The following TBC1D9B variants were observed in gnomAD, a reference collection of about 807,000 sequenced individuals.
TBC1D9B encodes the protein TBC1 domain family, member 9B (with GRAM domain).
TBC1D9B carries 87 observed loss-of-function variants against 121.1 expected under a neutral mutation model. That is an observed-to-expected ratio of 0.72 (90% CI 0.60 to 0.86). TBC1D9B has a LOEUF of 0.86. TBC1D9B is among the 40% of genes least tolerant of loss of function. The probability of loss-of-function intolerance (pLI) is 0.00; values close to 1 mark genes in which losing one functional copy is unlikely to be tolerated. For missense variants in TBC1D9B, 1,540 were observed against 1,628.6 expected (o/e 0.95, Z 0.94); for synonymous variants, 668 against 670.1 (o/e 1.00, Z 0.05).
rs1424726016 is a variant in TBC1D9B, at chr5:179,865,045, A to C, written c.3021+209T>G. On this transcript the variant is annotated intron_variant, in intron 20 of 20. Coordinates refer to ENST00000355235, the MANE Select transcript of TBC1D9B (RefSeq NM_015043.4). The surrounding 1 kb of genome is among the most constrained non-coding windows in gnomAD (Gnocchi z 5.1). Reference sequence around the variant, plus strand: ...TTCACAGACACTCACTCAATCTGGAAACATGCCCCTATACAAGGCCCTGGA... The same window carrying C: ...TTCACAGACACTCACTCAATCTGGACACATGCCCCTATACAAGGCCCTGGA... 6.6e-6 allele frequency among the ~76,000 whole-genome samples: 1 copy of C among 152,202 alleles called. No individual in the cohort carries two copies. The highest frequency in any genetic ancestry group is 1.5e-5 in the Non-Finnish European group (1 of 68,032).
chr5:179,904,175 T>TG lies in TBC1D9B; in HGVS notation c.229+526dup, dbSNP rs1384231740. Among the ~76,000 whole-genome samples, 3 of 150,740 alleles carry TG rather than the reference T, an allele frequency of 2.0e-5. No individual in the cohort carries two copies. The highest frequency in any genetic ancestry group is 4.9e-5 in the African/African-American group (2 of 41,012). The stretch of plus-strand genomic sequence containing the variant: ...GTCCCTAGAGGTACATGGGGATCCA[T>TG]GGGGCTGTCCTCTCCTGCCCTGTCC... On this transcript the variant is annotated intron_variant, in intron 2 of 20. Transcript: ENST00000355235. This position sits in a 1 kb window ranked among gnomAD's most constrained non-coding sequence, Gnocchi z 4.2.
At chr5:179,879,343 C>T (rs528862067) in intron 8 of TBC1D9B, 146 bp from the exon 9 acceptor site, 67 of 1,305,868 alleles carry the variant, frequency 5.1e-5, no homozygotes, top group Admixed American at 1.9e-4. Context: ...AAGACCAGGC[C>T]GCGCTGAGCC....
rs1247837740 is a variant in TBC1D9B, at chr5:179,870,466, C to T, written c.2514G>A (p.Gly838=). Residue 838 remains glycine, a synonymous_variant, in exon 16 of 21, where the codon GGG becomes GGA. Coordinates refer to ENST00000355235, the MANE Select transcript of TBC1D9B (RefSeq NM_015043.4). ...GACGGCCGGCCATTGTGCGGCTGCA[C>T]CCCCAGTACTGGCTAGCCAGGTGCT... ...KAKHLASQYW[G]CSRTMAGRRD... The T allele has an allele frequency of 1.2e-6, 2 of 1,611,834 alleles. No homozygotes were observed. Among genetic ancestry groups the T allele is most frequent in the Admixed American group, 3.3e-5 (2 of 59,976 alleles).
chr5:179,882,778 G>C (rs1302437304), intron 7 of TBC1D9B, among the ~76,000 whole-genome samples: 1 of 152,176 alleles, frequency 6.6e-6, no homozygotes, highest in East Asian at 1.9e-4. Context: ...GAACCTGGGA[G>C]GCAGAGGTTG....
Position 179,875,856 on chromosome 5 carries a change from G to T in TBC1D9B, c.1900+64C>A. The T allele has an allele frequency of 7.3e-7, 1 of 1,376,604 alleles. No homozygotes were observed. Among genetic ancestry groups the T allele is most frequent in the Non-Finnish European group, 9.8e-7 (1 of 1,017,414 alleles). 85.3% of individuals were successfully genotyped at this position (1,376,604 alleles called of 1,614,324 possible). Reference sequence around the variant, plus strand: ...CCTGGAGCTTGGCCTGGGAAGGGCTGCCACCCTCATGGAACCAGCAGGCAC... The same window carrying T: ...CCTGGAGCTTGGCCTGGGAAGGGCTTCCACCCTCATGGAACCAGCAGGCAC... On this transcript the variant is annotated intron_variant, in intron 11 of 20. Transcript: ENST00000355235. This position sits in a 1 kb window ranked among gnomAD's most constrained non-coding sequence, Gnocchi z 4.5.
chr5:179,893,397 G>A lies in TBC1D9B; in HGVS notation c.648C>T (p.Ser216=), dbSNP rs1760923374. ...EKNATLLFPE[S]IRVDTRDQEL... ...CCTGGTCGCGGGTGTCCACACGGAT[G>A]CTCTCGGGGAAGAGCAGGGTGGCGT... The change falls in exon 5 of 21, where the codon AGC becomes AGT. Residue 216 remains serine, a synonymous_variant. Coordinates refer to ENST00000355235, the MANE Select transcript of TBC1D9B (RefSeq NM_015043.4). 5.6e-6 allele frequency: 9 copies of A among 1,614,030 alleles called. No homozygotes were observed. Among genetic ancestry groups the A allele is most frequent in the South Asian group, 2.2e-5 (2 of 91,088 alleles).
intron 16 of TBC1D9B, 149 bp from the exon 17 acceptor site, chr5:179,869,983 G>A: frequency 1.0e-6 from 1 of 952,632 alleles, no homozygotes; most frequent in South Asian, 1.7e-5. Flanking sequence ...CTGTCTCCCT[G>A]GCGTCCTGCT....
chr5:179,862,696 A>C lies in TBC1D9B; in HGVS notation c.*752T>G. 2.3e-6 allele frequency: 1 copy of C among 431,974 alleles called. No individual in the cohort carries two copies. The highest frequency in any genetic ancestry group is 7.3e-5 in the East Asian group (1 of 13,718). 26.8% of individuals were successfully genotyped at this position (431,974 alleles called of 1,614,324 possible). On this transcript the variant is annotated 3_prime_UTR_variant, in exon 21 of 21. Transcript: ENST00000355235. ...GGCCTGGGGAGAAGTTGGGAGGCCT[A>C]AGCAGTGGTTGGGGGCCACAGCAAG...
intron 1 of TBC1D9B, among the ~76,000 whole-genome samples, chr5:179,905,612 G>A (rs144488746): frequency 6.6e-6 from 1 of 152,238 alleles, no homozygotes; most frequent in African/African-American, 2.4e-5. Flanking sequence ...CGCTATCTTT[G>A]CTTTTATATT....
intron 14 of TBC1D9B, chr5:179,872,311 C>G (rs1332364835): frequency 1.3e-5 from 2 of 157,064 alleles, no homozygotes; most frequent in African/African-American, 4.8e-5. Flanking sequence ...AACCTGCCAG[C>G]CAATGCTCCT....
intron 2 of TBC1D9B, among the ~76,000 whole-genome samples, chr5:179,901,382 T>C (rs988229318): frequency 2.6e-5 from 4 of 152,244 alleles, no homozygotes; most frequent in Non-Finnish European, 5.9e-5. Context: ...AATTTACATG[T>C]GGTGCAACTC....
At chr5:179,895,045 G>T (rs1479134391) in intron 3 of TBC1D9B, among the ~76,000 whole-genome samples, 1 of 152,080 alleles carries the variant, frequency 6.6e-6, no homozygotes, top group Non-Finnish European at 1.5e-5. Context: ...ACTTTTTGTA[G>T]AAATGGGGTT....
rs771629949 is a variant in TBC1D9B, at chr5:179,865,819, G to A, written c.2914+19C>T. ...CAACGCTGGGGTCTCTAAGAACAGC[G>A]GCAGAGAATGGCCTGTACCTCCTCT... is the stretch of plus-strand genomic sequence containing the variant. On this transcript the variant is annotated intron_variant, in intron 19 of 20. Transcript: ENST00000355235. This position sits in a 1 kb window ranked among gnomAD's most constrained non-coding sequence, Gnocchi z 5.1. 35 of 1,583,846 alleles carry A rather than the reference G, an allele frequency of 2.2e-5. No homozygotes were observed. Among genetic ancestry groups the A allele is most frequent in the Non-Finnish European group, 2.1e-5 (24 of 1,164,898 alleles).
At chr5:179,872,828 T>A (rs1760241777) in intron 14 of TBC1D9B, 64 bp downstream of exon 14, 8 of 1,526,632 alleles carry the variant, frequency 5.2e-6, no homozygotes, top group Admixed American at 3.4e-5. Context: ...CCCACCCTGC[T>A]CTGTGGGGAA....
rs1472073854 is a variant in TBC1D9B at position 179,891,965 on chromosome 5, TCC to T, written c.837-381_837-380del. ...CAGATGGAGGGCCCCGGGCAGCTCT[TCC>T]ACCCTGGGCAGGCCTAACCCCAGGT... On this transcript the variant is annotated intron_variant, in intron 5 of 20. Transcript: ENST00000355235. This position sits in a 1 kb window ranked among gnomAD's most constrained non-coding sequence, Gnocchi z 4.3. Among the ~76,000 whole-genome samples, 1 of 152,152 alleles carries T rather than the reference TCC, an allele frequency of 6.6e-6. No individual in the cohort carries two copies. Among genetic ancestry groups the T allele is most frequent in the Non-Finnish European group, 1.5e-5 (1 of 68,006 alleles).
rs1283920609 is a variant in TBC1D9B, at chr5:179,890,131, A to G, written c.1044+1248T>C. ...AGCGGGTGGTTGGGAGTGAAATTCA[A>G]GAGTCCACTACACCCACAGCAGAGT... is the stretch of plus-strand genomic sequence containing the variant. On this transcript the variant is annotated intron_variant, in intron 6 of 20. Coordinates refer to ENST00000355235, the MANE Select transcript of TBC1D9B (RefSeq NM_015043.4). The surrounding 1 kb of genome is among the most constrained non-coding windows in gnomAD (Gnocchi z 5.0). Among the ~76,000 whole-genome samples the G allele has an allele frequency of 2.6e-5, 4 of 152,192 alleles. No homozygotes were observed. Among genetic ancestry groups the G allele is most frequent in the African/African-American group, 9.7e-5 (4 of 41,450 alleles).
At chr5:179,871,787 C>G (rs974793555) in intron 14 of TBC1D9B, 4 of 378,642 alleles carry the variant, frequency 1.1e-5, no homozygotes, top group Non-Finnish European at 2.0e-5. Flanking sequence ...ACACTCCGGG[C>G]CCCTTCCCAG....
chr5:179,897,118 AGGAT>A (rs201328714), intron 3 of TBC1D9B, among the ~76,000 whole-genome samples: 2,852 of 152,032 alleles, frequency 0.019, 59 homozygotes, highest in African/African-American at 0.059. Flanking sequence ...TGTGTTAGCC[AGGAT>A]GGTCTCGATC....
At chr5:179,894,188 TG>T (rs1561646535) in intron 4 of TBC1D9B, among the ~76,000 whole-genome samples, 197 bp downstream of exon 4, 1 of 151,230 alleles carries the variant, frequency 6.6e-6, no homozygotes, top group African/African-American at 2.4e-5. Flanking sequence ...TACTAGCGAG[TG>T]GGGGGCATGG....
Sources: gnomAD v4.1 joint callset for allele counts (sites outside exome capture counted in the v4.1 genomes callset) on GRCh38, gnomAD v4.1.1 for gene constraint, Gnocchi (gnomAD v3.1) non-coding constraint, MANE v1.5 for transcripts, NCBI Gene and HGNC (gene_info 2026-07-23, HGNC 2026-07-21) for gene names.